The following ASTN2 variants were observed in gnomAD, a reference collection of about 807,000 sequenced individuals.
ASTN2 encodes astrotactin 2, also known as astrotactin-2.
In ASTN2, 54 loss-of-function variants were observed where a neutral mutation model predicts 139.8. That is an observed-to-expected ratio of 0.39 (90% CI 0.31 to 0.48). ASTN2 has a LOEUF of 0.48. Ranked by LOEUF, ASTN2 falls within the 20% of genes least tolerant of loss-of-function variation. ASTN2 has a pLI of 0.95. For missense variants in ASTN2, 1,565 were observed against 1,725.1 expected (o/e 0.91, Z 1.64); for synonymous variants, 756 against 719.5 (o/e 1.05, Z -0.81).
chr9:117,185,590 G>A (rs1588052654), intron 3 of ASTN2, among the ~76,000 whole-genome samples: 1 of 152,190 alleles, frequency 6.6e-6, no homozygotes, highest in Admixed American at 6.5e-5. Flanking sequence ...GGATGGTGAC[G>A]TCTCCTGGTG....
chr9:116,773,920 G>A (rs935399281), intron 13 of ASTN2, among the ~76,000 whole-genome samples: 17 of 152,088 alleles, frequency 1.1e-4, no homozygotes, highest in Non-Finnish European at 1.8e-4. Context: ...ACATCCCCAT[G>A]ATACCTATCT....
chr9:116,926,266 T>C (rs112108575), intron 10 of ASTN2, among the ~76,000 whole-genome samples: 2,944 of 152,324 alleles, frequency 0.019, 80 homozygotes, highest in African/African-American at 0.062. Context: ...AAAATCATTT[T>C]CAAAACTGCT....
At chr9:117,043,726 G>A (rs1396495148) in intron 5 of ASTN2, among the ~76,000 whole-genome samples, 3 of 151,910 alleles carry the variant, frequency 2.0e-5, no homozygotes, top group African/African-American at 4.8e-5. Context: ...TGGCCAACAC[G>A]GCAAAACCCC....
chr9:117,006,891 C>T (rs1008766362), intron 7 of ASTN2, among the ~76,000 whole-genome samples: 1 of 152,020 alleles, frequency 6.6e-6, no homozygotes, highest in Non-Finnish European at 1.5e-5. Flanking sequence ...CCGAGGTGGG[C>T]GGATCATGAA....
chr9:117,063,904 G>C (rs1389561760), intron 5 of ASTN2, among the ~76,000 whole-genome samples: 1 of 152,028 alleles, frequency 6.6e-6, no homozygotes, highest in Non-Finnish European at 1.5e-5. Flanking sequence ...CTAGCCGAGA[G>C]CTATAAATAG....
At chr9:116,948,541 T>G (rs10817966) in intron 10 of ASTN2, among the ~76,000 whole-genome samples, 1 of 151,736 alleles carries the variant, frequency 6.6e-6, no homozygotes, top group African/African-American at 2.4e-5. Context: ...TCAGCCATTT[T>G]TCCCAGGAGC....
intron 17 of ASTN2, among the ~76,000 whole-genome samples, chr9:116,632,183 AGGGAGAGAGAG>A (rs1856798502): frequency 4.4e-5 from 1 of 22,946 alleles, no homozygotes; most frequent in Non-Finnish European, 8.2e-5. Flanking sequence ...AGAGAGAGAG[AGGGAGAGAGAG>A]AGAAAGAAAG....
intron 19 of ASTN2, among the ~76,000 whole-genome samples, chr9:116,578,180 G>C (rs1853799927): frequency 6.6e-6 from 1 of 152,118 alleles, no homozygotes; most frequent in Non-Finnish European, 1.5e-5. Context: ...CAATGATGAG[G>C]ACAGGGGCTC....
Position 116,733,389 on chromosome 9 carries a change from T to A in ASTN2, c.2521+10A>T. 1 of 1,613,802 alleles carries A rather than the reference T, an allele frequency of 6.2e-7. No homozygotes were observed. The highest frequency in any genetic ancestry group is 1.1e-5 in the South Asian group (1 of 91,072). On this transcript the variant is annotated intron_variant, in intron 14 of 22. Coordinates refer to ENST00000313400, the MANE Select transcript of ASTN2 (RefSeq NM_001365068.1). ...GGGAACCTGGGAAGGGTCTGGCACATGTGTCTTACCAGTGAGCAGTTGGAG... is the reference window on the plus strand; with the variant it reads ...GGGAACCTGGGAAGGGTCTGGCACAAGTGTCTTACCAGTGAGCAGTTGGAG...
At chr9:117,089,802 C>T (rs1828659992) in intron 5 of ASTN2, among the ~76,000 whole-genome samples, 1 of 151,638 alleles carries the variant, frequency 6.6e-6, no homozygotes, top group Non-Finnish European at 1.5e-5. Flanking sequence ...TCCTGAGATA[C>T]TTCACTTAAA....
intron 12 of ASTN2, among the ~76,000 whole-genome samples, chr9:116,816,483 A>G (rs1331838743): frequency 6.6e-6 from 1 of 152,176 alleles, no homozygotes; most frequent in African/African-American, 2.4e-5. Flanking sequence ...CTACTCAATG[A>G]TTATTTGCAC....
At chr9:116,885,278 T>A (rs1223501123) in intron 10 of ASTN2, among the ~76,000 whole-genome samples, 2 of 152,188 alleles carry the variant, frequency 1.3e-5, no homozygotes, top group African/African-American at 2.4e-5. Flanking sequence ...ATAAATACCC[T>A]GACTTGATCA....
chr9:117,288,686 T>A (rs1281093171), intron 2 of ASTN2, among the ~76,000 whole-genome samples: 3 of 152,212 alleles, frequency 2.0e-5, no homozygotes. Flanking sequence ...GTAAACACTC[T>A]TTTTGTTCTT....
intron 2 of ASTN2, among the ~76,000 whole-genome samples, chr9:117,228,357 C>T (rs1832780223): frequency 6.6e-6 from 1 of 152,084 alleles, no homozygotes; most frequent in Non-Finnish European, 1.5e-5. Context: ...CAACCTTTTT[C>T]AAAACCTATT....
chr9:116,604,981 G>A (rs1231398100), intron 19 of ASTN2, among the ~76,000 whole-genome samples: 1 of 152,020 alleles, frequency 6.6e-6, no homozygotes, highest in Non-Finnish European at 1.5e-5. Flanking sequence ...CCAGCTTAGA[G>A]AGACAAAGAC....
intron 2 of ASTN2, among the ~76,000 whole-genome samples, chr9:117,224,717 T>C (rs1832645443): frequency 6.6e-6 from 1 of 152,226 alleles, no homozygotes; most frequent in Non-Finnish European, 1.5e-5. Context: ...CGCTGTATCC[T>C]TCACACCATT....
intron 16 of ASTN2, among the ~76,000 whole-genome samples, chr9:116,696,353 T>TATA (rs1860851612): frequency 6.6e-6 from 1 of 152,236 alleles, no homozygotes; most frequent in South Asian, 2.1e-4. Context: ...ACTCTATATA[T>TATA]TATTTCATTC....
chr9:116,942,497 C>T (rs1319165345), intron 10 of ASTN2, among the ~76,000 whole-genome samples: 2 of 152,098 alleles, frequency 1.3e-5, no homozygotes, highest in Admixed American at 6.6e-5. Flanking sequence ...ATGGTCCCTG[C>T]CCTGCATCCA....
intron 13 of ASTN2, among the ~76,000 whole-genome samples, chr9:116,770,103 T>TAAA (rs3041036): frequency 0.15 from 20,364 of 134,948 alleles, 1,730 homozygotes; most frequent in East Asian, 0.31. Context: ...CTCTGAGAGT[T>TAAA]AAAAAAAAAA....
Sources: gnomAD v4.1 joint callset for allele counts (sites outside exome capture counted in the v4.1 genomes callset) on GRCh38, gnomAD v4.1.1 for gene constraint, MANE v1.5 for transcripts, NCBI Gene and HGNC (gene_info 2026-07-23, HGNC 2026-07-21) for gene names.